The following SUCLG2 variants were observed in gnomAD, a reference collection of about 807,000 sequenced individuals.
The protein encoded by SUCLG2 is succinate-CoA ligase GDP-forming subunit beta.
In SUCLG2, 42 loss-of-function variants were observed where a neutral mutation model predicts 47.9. The ratio of observed to expected loss-of-function variants is 0.88; its 90% CI spans 0.69 to 1.14. The LOEUF (loss-of-function observed/expected upper bound fraction) is 1.14. Ranked by LOEUF, SUCLG2 falls within the 50% of genes most tolerant of loss-of-function variation. SUCLG2 has a pLI of 0.00. For synonymous variants in SUCLG2, 195 were observed against 197.3 expected (o/e 0.99, Z 0.10); for missense variants, 571 against 525.9 (o/e 1.09, Z -0.84).
intron 2 of SUCLG2, among the ~76,000 whole-genome samples, chr3:67,571,077 G>A (rs1287186070): frequency 1.3e-5 from 2 of 152,124 alleles, no homozygotes; most frequent in African/African-American, 4.8e-5. Flanking sequence ...CCTAAACAGA[G>A]TTAATCATAA....
intron 9 of SUCLG2, among the ~76,000 whole-genome samples, chr3:67,448,332 G>C (rs1703976088): frequency 6.6e-6 from 1 of 152,152 alleles, no homozygotes; most frequent in Admixed American, 6.5e-5. Context: ...ATACATATAT[G>C]ATGGGTCCAT....
intron 9 of SUCLG2, among the ~76,000 whole-genome samples, chr3:67,428,108 CAG>C (rs1703355346): frequency 1.3e-5 from 2 of 152,258 alleles, no homozygotes; most frequent in African/African-American, 2.4e-5. Context: ...TCTCCCAGCA[CAG>C]AGTTTGAGAA....
intron 9 of SUCLG2, among the ~76,000 whole-genome samples, chr3:67,485,259 G>T (rs1031304574): frequency 5.9e-5 from 9 of 152,080 alleles, no homozygotes; most frequent in African/African-American, 2.2e-4. Flanking sequence ...TATGTAGCTT[G>T]GTCCTGAATT....
intron 2 of SUCLG2, among the ~76,000 whole-genome samples, chr3:67,562,135 C>G (rs1665062193): frequency 6.6e-6 from 1 of 152,124 alleles, no homozygotes; most frequent in South Asian, 2.1e-4. Flanking sequence ...CATTCATCCC[C>G]CCTTCCCTTA....
intron 1 of SUCLG2, among the ~76,000 whole-genome samples, chr3:67,640,414 G>A (rs892743616): frequency 6.6e-5 from 10 of 152,128 alleles, no homozygotes; most frequent in Non-Finnish European, 1.2e-4. Context: ...TTGATCAGTG[G>A]GCCAGAAACA....
chr3:67,364,620 A>G (rs1309621296), intron 10 of SUCLG2, among the ~76,000 whole-genome samples: 1 of 152,164 alleles, frequency 6.6e-6, no homozygotes, highest in African/African-American at 2.4e-5. Context: ...AATGAAGGCC[A>G]CCTGGTTGTC....
At chr3:67,495,739 G>T in intron 9 of SUCLG2, 59 bp downstream of exon 9, 1 of 1,600,486 alleles carries the variant, frequency 6.2e-7, no homozygotes, top group Non-Finnish European at 8.5e-7. Flanking sequence ...GAACAAGTGA[G>T]CTCTTGACGG....
chr3:67,494,595 C>T (rs73088925), intron 9 of SUCLG2, among the ~76,000 whole-genome samples: 4,261 of 152,070 alleles, frequency 0.028, 86 homozygotes, highest in African/African-American at 0.059. Context: ...CACAGCACTC[C>T]GGTCTGGGTG....
intron 2 of SUCLG2, among the ~76,000 whole-genome samples, chr3:67,556,309 G>T: frequency 6.6e-6 from 1 of 152,156 alleles, no homozygotes; most frequent in East Asian, 1.9e-4. Flanking sequence ...TCCTGACTTG[G>T]AGGGCTGAAT....
intron 9 of SUCLG2, among the ~76,000 whole-genome samples, chr3:67,419,011 G>T (rs1703095556): frequency 6.6e-6 from 1 of 152,026 alleles, no homozygotes; most frequent in East Asian, 1.9e-4. Flanking sequence ...TCTGCACAAT[G>T]TTAGGATCAG....
intron 1 of SUCLG2, among the ~76,000 whole-genome samples, chr3:67,622,239 C>A (rs1700748391): frequency 6.6e-6 from 1 of 152,064 alleles, no homozygotes; most frequent in Non-Finnish European, 1.5e-5. Context: ...AAGCAAAACA[C>A]AGGGGAAAAA....
chr3:67,460,679 C>T (rs4258984), intron 9 of SUCLG2, among the ~76,000 whole-genome samples: 120,320 of 152,060 alleles, frequency 0.79, 48,076 homozygotes, highest in African/African-American at 0.88. Context: ...AATGGTAGGA[C>T]TTTTATTATA....
At chr3:67,585,234 G>A (rs1330636967) in intron 2 of SUCLG2, among the ~76,000 whole-genome samples, 1 of 152,040 alleles carries the variant, frequency 6.6e-6, no homozygotes, top group Non-Finnish European at 1.5e-5. Context: ...CTAATCACCT[G>A]ATACCTCCAG....
Position 67,527,458 on chromosome 3 carries a change from T to A in SUCLG2, c.417+674A>T, listed in dbSNP as rs551561659. Among the ~76,000 whole-genome samples the A allele has an allele frequency of 5.9e-5, 9 of 152,342 alleles. No homozygotes were observed. The East Asian group carries it at 1.7e-3, about 29-fold the overall frequency. ...TGGATTCTGCAACCCAGGTAGCTAG[T>A]TCTAGTGTCTGGATACACAAAAGGG... On this transcript the variant is annotated intron_variant, in intron 4 of 10. Transcript: ENST00000307227.
chr3:67,583,804 A>G (rs1707941118), intron 2 of SUCLG2, among the ~76,000 whole-genome samples: 1 of 152,180 alleles, frequency 6.6e-6, no homozygotes, highest in Non-Finnish European at 1.5e-5. Context: ...TCAGGCTTCA[A>G]ATGTCTTTGA....
chr3:67,394,039 G>C (rs1030328078), intron 10 of SUCLG2, among the ~76,000 whole-genome samples: 15 of 152,010 alleles, frequency 9.9e-5, no homozygotes, highest in African/African-American at 3.1e-4. Context: ...CATCATCAAA[G>C]ACAAAAAGTA....
chr3:67,591,005 T>G (rs1242123604), intron 2 of SUCLG2, among the ~76,000 whole-genome samples: 1 of 152,208 alleles, frequency 6.6e-6, no homozygotes, highest in Non-Finnish European at 1.5e-5. Context: ...CTAAAAAATA[T>G]CTCATCTCCT....
intron 9 of SUCLG2, among the ~76,000 whole-genome samples, chr3:67,405,701 T>A (rs6785835): frequency 0.74 from 112,186 of 152,062 alleles, 41,780 homozygotes; most frequent in Admixed American, 0.82. Context: ...TTCAGAGGAA[T>A]AGTGAATTCT....
intron 7 of SUCLG2, among the ~76,000 whole-genome samples, chr3:67,504,007 A>G (rs1323439013): frequency 6.6e-6 from 1 of 152,186 alleles, no homozygotes; most frequent in Non-Finnish European, 1.5e-5. Flanking sequence ...GGAACATAAA[A>G]CAGCAGGAAA....
Sources: gnomAD v4.1 joint callset for allele counts (sites outside exome capture counted in the v4.1 genomes callset) on GRCh38, gnomAD v4.1.1 for gene constraint, MANE v1.5 for transcripts, NCBI Gene and HGNC (gene_info 2026-07-23, HGNC 2026-07-21) for gene names.